Variants in THAP4 observed in about 807,000 individuals in gnomAD.
THAP4 encodes the protein peroxynitrite isomerase THAP4.
In THAP4, 18 loss-of-function variants were observed where a neutral mutation model predicts 48.1. The observed-to-expected ratio is 0.37, with a 90% CI of 0.26 to 0.56. The LOEUF (loss-of-function observed/expected upper bound fraction) is 0.56. Among genes scored for constraint, THAP4 ranks in the 20% least tolerant of loss-of-function variants. The probability of loss-of-function intolerance (pLI) is 0.78; values close to 1 mark genes in which losing one functional copy is unlikely to be tolerated. For synonymous variants in THAP4, 345 were observed against 324.9 expected, an observed-to-expected ratio of 1.06 and a Z score of -0.66; for missense variants, 656 against 774.9, an observed-to-expected ratio of 0.85 and a Z score of 1.82.
intron 2 of THAP4, among the ~76,000 whole-genome samples, chr2:241,631,931 T>C (rs2067568514): frequency 1.3e-5 from 2 of 151,394 alleles, no homozygotes; most frequent in Non-Finnish European, 1.5e-5. Flanking sequence ...AGAGTTGTGC[T>C]CTTTGTCACG....
chr2:241,584,633 G>T lies in THAP4; in HGVS notation c.1707C>A (p.His569Gln), dbSNP rs763952554. Residue 569 changes from histidine to glutamine, a missense_variant, in exon 6 of 6, where the codon CAC (histidine) becomes CAA (glutamine). Transcript: ENST00000407315. ...ACGGGGTCACCTTCTTGTAGGTGAC[G>T]TGAAGATGCTGAGTCATTGGCTGTG... ...TTTQPMTQHLHVTYKKVTP is the reference protein window; with the variant it reads ...TTTQPMTQHLQVTYKKVTP 5 of 1,614,170 alleles carry T rather than the reference G, an allele frequency of 3.1e-6. No homozygotes were observed. Among genetic ancestry groups the T allele is most frequent in the Non-Finnish European group, 4.2e-6 (5 of 1,179,998 alleles).
rs71406471 is a variant in THAP4 at position 241,596,508 on chromosome 2, C to CA, written c.1614+5387dup. On this transcript the variant is annotated intron_variant, in intron 5 of 5. Coordinates refer to ENST00000407315, the MANE Select transcript of THAP4 (RefSeq NM_015963.6). ...GGCGACAAGAGTGAGACTCTGTCTC[C>CA]AAAAAAAAAAAAAAAAGGCCGGGCG... Among the ~76,000 whole-genome samples, 158 of 20,812 alleles carry CA rather than the reference C, an allele frequency of 7.6e-3. 3 individuals are homozygous for CA. Among genetic ancestry groups the CA allele is most frequent in the East Asian group, 0.044 (13 of 296 alleles). The allele number at this position is 20,812 out of a possible 152,430, so 13.7% of individuals were successfully genotyped here.
chr2:241,616,873 G>C lies in THAP4; in HGVS notation c.1241-10400C>G, dbSNP rs991606634. Among the ~76,000 whole-genome samples the C allele has an allele frequency of 3.9e-5, 6 of 152,126 alleles. No individual in the cohort carries two copies. The highest frequency in any genetic ancestry group is 1.4e-4 in the African/African-American group (6 of 41,404). On this transcript the variant is annotated intron_variant, in intron 2 of 5. Transcript: ENST00000407315. This position sits in a 1 kb window ranked among gnomAD's most constrained non-coding sequence, Gnocchi z 4.6. The stretch of plus-strand genomic sequence containing the variant: ...ATCTTAATGGAGTTTAATTTGGACA[G>C]GGACAACAGGTCAGGCAGTAAACAA...
intron 5 of THAP4, chr2:241,592,064 C>T (rs929381636): frequency 9.2e-5 from 14 of 152,248 alleles, no homozygotes; most frequent in African/African-American, 3.4e-4. Flanking sequence ...AGGCACCTCG[C>T]TGGAGGATGA....
Position 241,633,966 on chromosome 2 carries a change from C to G in THAP4, c.191G>C (p.Ser64Thr), listed in dbSNP as rs1231218390. 1 of 1,614,206 alleles carries G rather than the reference C, an allele frequency of 6.2e-7. No homozygotes were observed. Among genetic ancestry groups the G allele is most frequent in the Non-Finnish European group, 8.5e-7 (1 of 1,180,040 alleles). ...FLCSEHFTKD[S>T]FSKRLEDQHR... ...CTGGTCCTCCAGCCTCTTGGAGAAG[C>G]TGTCTTTGGTGAAATGCTCACTACA... Residue 64 changes from serine to threonine, a missense_variant, in exon 2 of 6, where the codon AGC (serine) becomes ACC (threonine). Physicochemically the swap from Ser to Thr is moderately conservative, Grantham distance 58. Around this residue, in one of 4 missense-constraint regions of THAP4, gnomAD observed 30 missense variants for 60.1 expected, o/e 0.50. Transcript: ENST00000407315. The surrounding 1 kb of genome is among the most constrained non-coding windows in gnomAD (Gnocchi z 7.5).
chr2:241,611,059 A>G (rs1191112721), intron 2 of THAP4, among the ~76,000 whole-genome samples: 3 of 152,246 alleles, frequency 2.0e-5, no homozygotes, highest in African/African-American at 4.8e-5. Context: ...TTTGAGGGAA[A>G]ATAGGTCACA....
At chr2:241,595,297 G>A (rs932384818) in intron 5 of THAP4, among the ~76,000 whole-genome samples, 10 of 152,128 alleles carry the variant, frequency 6.6e-5, no homozygotes, top group African/African-American at 2.4e-4. Flanking sequence ...TTACAGGCGT[G>A]AGCCACCGCA....
In THAP4 at chr2:241,610,548, A is replaced by C. The variant is rs1249535979; in HGVS notation, c.1241-4075T>G. ...AGCCTCGCCAGCCCCTCCACAGACCACAGCGACCGCGCCCCTCGGCCCGGA... is the reference window on the plus strand; with the variant it reads ...AGCCTCGCCAGCCCCTCCACAGACCCCAGCGACCGCGCCCCTCGGCCCGGA... On this transcript the variant is annotated intron_variant, in intron 2 of 5. Coordinates refer to ENST00000407315, the MANE Select transcript of THAP4 (RefSeq NM_015963.6). This position sits in a 1 kb window ranked among gnomAD's most constrained non-coding sequence, Gnocchi z 4.2. Among the ~76,000 whole-genome samples, 4 of 151,928 alleles carry C rather than the reference A, an allele frequency of 2.6e-5. No homozygotes were observed. The highest frequency in any genetic ancestry group is 5.9e-5 in the Non-Finnish European group (4 of 67,950).
chr2:241,637,384 G>A, upstream of THAP4: 8 of 1,411,912 alleles, frequency 5.7e-6, no homozygotes, highest in Non-Finnish European at 7.4e-6. Flanking sequence ...GCTCGGACGG[G>A]GACAGAGCTC....
At chr2:241,630,761 A>G (rs1384217252) in intron 2 of THAP4, among the ~76,000 whole-genome samples, 5 of 151,300 alleles carry the variant, frequency 3.3e-5, no homozygotes, top group Non-Finnish European at 5.9e-5. Flanking sequence ...CCTGGGCAAC[A>G]AGAGCAAAAC....
At chr2:241,628,974 G>A (rs1231788771) in intron 2 of THAP4, among the ~76,000 whole-genome samples, 2 of 150,728 alleles carry the variant, frequency 1.3e-5, no homozygotes, top group Non-Finnish European at 3.0e-5. Context: ...CAAAAAGGAG[G>A]GGAAACTTGG....
At chr2:241,614,637 G>C (rs1433683889) in intron 2 of THAP4, among the ~76,000 whole-genome samples, 1 of 152,174 alleles carries the variant, frequency 6.6e-6, no homozygotes, top group Non-Finnish European at 1.5e-5. Flanking sequence ...TGTAATCCCA[G>C]CACTTTGGGA....
At chr2:241,609,932 T>A (rs1349694277) in intron 2 of THAP4, among the ~76,000 whole-genome samples, 2 of 152,206 alleles carry the variant, frequency 1.3e-5, no homozygotes, top group Non-Finnish European at 1.5e-5. Context: ...GAGCGCAGCC[T>A]GCATGGGAGC....
intron 5 of THAP4, among the ~76,000 whole-genome samples, chr2:241,590,866 CAG>C (rs1688704977): frequency 6.8e-6 from 1 of 147,656 alleles, no homozygotes; most frequent in South Asian, 2.1e-4. Context: ...CTAGGACACA[CAG>C]AACTGCCCGG....
chr2:241,633,455 T>C lies in THAP4; in HGVS notation c.702A>G (p.Ser234=). Reference sequence around the variant, plus strand: ...TAGAGGAGAAACTGTACGAATGAAGTGAGCCGATAAATTTGCACGCCCCAG... The same window carrying C: ...TAGAGGAGAAACTGTACGAATGAAGCGAGCCGATAAATTTGCACGCCCCAG... ...PGSGACKFIG[S]LHSYSFSSKH... The change falls in exon 2 of 6, where the codon TCA becomes TCG. Residue 234 remains serine, a synonymous_variant. Coordinates refer to ENST00000407315, the MANE Select transcript of THAP4 (RefSeq NM_015963.6). The surrounding 1 kb of genome is among the most constrained non-coding windows in gnomAD (Gnocchi z 7.5). 1 of 1,613,942 alleles carries C rather than the reference T, an allele frequency of 6.2e-7. No homozygotes were observed. The highest frequency in any genetic ancestry group is 2.2e-5 in the East Asian group (1 of 44,862).
chr2:241,635,967 C>T (rs2067640688), intron 1 of THAP4, among the ~76,000 whole-genome samples: 1 of 151,444 alleles, frequency 6.6e-6, no homozygotes. Flanking sequence ...TGCAAAGGTA[C>T]CCCCCCACCC....
intron 2 of THAP4, among the ~76,000 whole-genome samples, chr2:241,630,422 A>C (rs529331370): frequency 2.0e-5 from 3 of 152,350 alleles, no homozygotes; most frequent in Non-Finnish European, 4.4e-5. Context: ...CTGTTTGCAA[A>C]AACCTGTAAT....
chr2:241,599,714 G>A (rs2067089995), intron 5 of THAP4, among the ~76,000 whole-genome samples: 1 of 152,116 alleles, frequency 6.6e-6, no homozygotes, highest in Admixed American at 6.6e-5. Flanking sequence ...ATTCATTCAT[G>A]TATTCAATGC....
At chr2:241,631,415 A>G (rs1039716754) in intron 2 of THAP4, among the ~76,000 whole-genome samples, 3 of 152,240 alleles carry the variant, frequency 2.0e-5, no homozygotes, top group Non-Finnish European at 4.4e-5. Flanking sequence ...AATACTTAAC[A>G]GTAAAATATG....
Sources: allele counts gnomAD v4.1 joint callset (sites outside exome capture counted in the v4.1 genomes callset), GRCh38; gene constraint gnomAD v4.1.1; regional missense constraint gnomAD v4.1.1; non-coding constraint Gnocchi (gnomAD v3.1); transcripts MANE v1.5; gene names NCBI Gene and HGNC (gene_info 2026-07-23, HGNC 2026-07-21).